Variants in RANBP2 observed in about 807,000 individuals in gnomAD.
RANBP2 encodes the protein E3 SUMO-protein ligase RanBP2.
A neutral mutation model predicts 303.6 loss-of-function variants in RANBP2; 57 were observed. That is an observed-to-expected ratio of 0.19 (90% confidence interval 0.15 to 0.23). RANBP2 has a LOEUF of 0.23. RANBP2 is among the 10% of genes least tolerant of loss of function. The pLI is 1.00. For synonymous variants in RANBP2, 1,167 were observed against 1,301.5 expected, an observed-to-expected ratio of 0.90 and a Z score of 2.23; for missense variants, 3,138 against 3,780.8, an observed-to-expected ratio of 0.83 and a Z score of 4.46.
chr2:109,608,462 G>A, the RANBP2 span, among the ~76,000 whole-genome samples: 8 of 152,298 alleles, frequency 5.3e-5, no homozygotes, highest in South Asian at 6.2e-4. Context: ...GAAGGTAAAG[G>A]AAATCAGAGA....
the RANBP2 span, among the ~76,000 whole-genome samples, chr2:109,069,794 A>C: frequency 3.3e-5 from 5 of 152,150 alleles, no homozygotes; most frequent in Non-Finnish European, 7.3e-5. Flanking sequence ...TCCTTCATTT[A>C]GTCTATTCCT....
chr2:109,194,518 GGGCATTT>G, the RANBP2 span, among the ~76,000 whole-genome samples: 1 of 152,244 alleles, frequency 6.6e-6, no homozygotes, highest in Non-Finnish European at 1.5e-5. Flanking sequence ...TGAGGAGGAG[GGGCATTT>G]GCTCCAGCAG....
chr2:109,419,484 T>A, the RANBP2 span: 1 of 1,523,548 alleles, frequency 6.6e-7, no homozygotes, highest in African/African-American at 1.4e-5. Flanking sequence ...CTTTTCTCTT[T>A]CCCTTGGATG....
At chr2:108,955,285 G>A in the RANBP2 span, among the ~76,000 whole-genome samples, 1 of 152,102 alleles carries the variant, frequency 6.6e-6, no homozygotes, top group East Asian at 1.9e-4. Context: ...TGTGTATAAA[G>A]TATTTACAAC....
the RANBP2 span, among the ~76,000 whole-genome samples, chr2:109,262,570 ATGT>A: frequency 6.6e-6 from 1 of 152,114 alleles, no homozygotes; most frequent in East Asian, 1.9e-4. Flanking sequence ...ATTTTACGTA[ATGT>A]TGTTTCTTTT....
Position 108,749,125 on chromosome 2 carries a change from T to C in RANBP2, c.1269T>C (p.Asp423=), listed in dbSNP as rs368553521. The C allele has an allele frequency of 3.1e-6, 5 of 1,611,824 alleles. No individual in the cohort carries two copies. In the African/African-American group the frequency reaches 5.3e-5, roughly 17 times the overall value. The change falls in exon 9 of 29, where the codon GAT becomes GAC. Residue 423 remains aspartate (D), a synonymous_variant. Coordinates refer to ENST00000283195, the MANE Select transcript of RANBP2 (RefSeq NM_006267.5). ...AGCTTGAAGATTTGACTAGATACGA[T>C]GTTGGTAAGTTATATGTTTCAGAGG... ...EPELEDLTRY[D]VGAIRAHNGS...
At chr2:109,246,290 C>T in the RANBP2 span, among the ~76,000 whole-genome samples, 1 of 152,188 alleles carries the variant, frequency 6.6e-6, no homozygotes, top group Non-Finnish European at 1.5e-5. Context: ...CTGGCAGATT[C>T]GATGTCTGGT....
At chr2:108,825,883 C>T in the RANBP2 span, among the ~76,000 whole-genome samples, 1 of 152,182 alleles carries the variant, frequency 6.6e-6, no homozygotes, top group Non-Finnish European at 1.5e-5. Flanking sequence ...GTCCTGCCAG[C>T]AGTCTGCAGA....
the RANBP2 span, among the ~76,000 whole-genome samples, chr2:108,807,182 T>C: frequency 6.6e-6 from 1 of 152,200 alleles, no homozygotes; most frequent in African/African-American, 2.4e-5. Context: ...TATTGGAATT[T>C]AACAGGCAAT....
the RANBP2 span, among the ~76,000 whole-genome samples, chr2:108,926,313 T>C: frequency 6.6e-6 from 1 of 152,178 alleles, no homozygotes; most frequent in Non-Finnish European, 1.5e-5. Context: ...CCCCAACCCC[T>C]GTTCTACATA....
chr2:108,980,401 C>T, the RANBP2 span, among the ~76,000 whole-genome samples: 2 of 152,192 alleles, frequency 1.3e-5, no homozygotes, highest in East Asian at 3.9e-4. Context: ...CCCTGCCGCT[C>T]ACCTCAGCAG....
chr2:108,763,998 T>C lies in RANBP2; in HGVS notation c.3459T>C (p.Asn1153=), dbSNP rs747272240. ...CCACTTTAGAGACAGCAAACAAGAA[T>C]CATGAGACAGATGGAGGAAGTGCCC... is the stretch of plus-strand genomic sequence containing the variant. ...GTPTLETANK[N]HETDGGSAHG... Residue 1153 remains asparagine, a synonymous_variant, in exon 20 of 29, where the codon AAT becomes AAC. Coordinates refer to ENST00000283195, the MANE Select transcript of RANBP2 (RefSeq NM_006267.5). 2 of 1,613,754 alleles carry C rather than the reference T, an allele frequency of 1.2e-6. No homozygotes were observed. The highest frequency in any genetic ancestry group is 1.7e-5 in the Admixed American group (1 of 59,998).
chr2:109,184,740 A>G, the RANBP2 span, among the ~76,000 whole-genome samples: 9 of 152,282 alleles, frequency 5.9e-5, no homozygotes, highest in East Asian at 1.5e-3. Context: ...GCAGCCTCCT[A>G]TTCTGCCAGA....
the RANBP2 span, chr2:108,910,555 G>T: frequency 6.3e-7 from 1 of 1,599,834 alleles, no homozygotes; most frequent in South Asian, 1.1e-5. Context: ...GGGGAGGTTG[G>T]GGAGATAGGA....
chr2:109,531,919 G>A, the RANBP2 span, among the ~76,000 whole-genome samples: 2 of 152,222 alleles, frequency 1.3e-5, no homozygotes, highest in Non-Finnish European at 2.9e-5. Context: ...AAAACCTCAT[G>A]TATAGAAATT....
At chr2:109,562,294 C>T in the RANBP2 span, among the ~76,000 whole-genome samples, 1 of 151,952 alleles carries the variant, frequency 6.6e-6, no homozygotes, top group East Asian at 1.9e-4. Flanking sequence ...GTCACTACCC[C>T]TCTCTTTCAC....
chr2:108,993,708 G>A, the RANBP2 span, among the ~76,000 whole-genome samples: 2 of 152,202 alleles, frequency 1.3e-5, no homozygotes, highest in African/African-American at 4.8e-5. Context: ...ATTGGAGAAT[G>A]AGATTCTGCA....
the RANBP2 span, among the ~76,000 whole-genome samples, chr2:109,450,960 A>G: frequency 1.0e-3 from 154 of 152,326 alleles, no homozygotes; most frequent in Non-Finnish European, 1.7e-3. Flanking sequence ...TCTCGAGGAC[A>G]TTGCCAAACC....
the RANBP2 span, among the ~76,000 whole-genome samples, chr2:109,668,222 A>G: frequency 6.6e-6 from 1 of 152,236 alleles, no homozygotes; most frequent in Non-Finnish European, 1.5e-5. Context: ...AAAGTGATGT[A>G]AACTATGGTT....
Sources: allele counts gnomAD v4.1 joint callset (sites outside exome capture counted in the v4.1 genomes callset), GRCh38; gene constraint gnomAD v4.1.1; transcripts MANE v1.5; gene names NCBI Gene and HGNC (gene_info 2026-07-23, HGNC 2026-07-21).